Variants in MAGI1 observed in about 807,000 individuals in gnomAD.
MAGI1 encodes the protein membrane-associated guanylate kinase, WW and PDZ domain-containing protein 1.
In MAGI1, 58 loss-of-function variants were observed where a neutral mutation model predicts 139.9. That is an observed-to-expected ratio of 0.41 (90% CI 0.34 to 0.52). The LOEUF (loss-of-function observed/expected upper bound fraction) is 0.52. Ranked by LOEUF, MAGI1 falls within the 20% of genes least tolerant of loss-of-function variation. The probability of loss-of-function intolerance (pLI) is 0.12; values close to 1 mark genes in which losing one functional copy is unlikely to be tolerated. For synonymous variants in MAGI1, 812 were observed against 737.9 expected, an observed-to-expected ratio of 1.10 and a Z score of -1.63; for missense variants, 1,874 against 1,901.6, an observed-to-expected ratio of 0.99 and a Z score of 0.27.
At chr3:65,445,135 A>G (rs907196354) in intron 7 of MAGI1, among the ~76,000 whole-genome samples, 3 of 152,204 alleles carry the variant, frequency 2.0e-5, no homozygotes, top group African/African-American at 7.2e-5. Flanking sequence ...AACCTATCAC[A>G]GAGATTTGAA....
At chr3:65,607,886 G>T (rs988253762) in intron 2 of MAGI1, among the ~76,000 whole-genome samples, 1 of 152,076 alleles carries the variant, frequency 6.6e-6, no homozygotes, top group Non-Finnish European at 1.5e-5. Flanking sequence ...TAGCACATAA[G>T]AAAAGAGAAG....
intron 2 of MAGI1, among the ~76,000 whole-genome samples, chr3:65,536,681 C>A (rs2078970407): frequency 6.6e-6 from 1 of 152,256 alleles, no homozygotes; most frequent in Admixed American, 6.5e-5. Flanking sequence ...GTGTTCAGGG[C>A]TGGCCATATG....
intron 1 of MAGI1, among the ~76,000 whole-genome samples, chr3:65,707,671 C>T (rs2030584445): frequency 8.2e-6 from 1 of 121,892 alleles, no homozygotes; most frequent in African/African-American, 3.2e-5. Context: ...AACTGGGTGA[C>T]AGAGTGATAC....
intron 3 of MAGI1, among the ~76,000 whole-genome samples, chr3:65,487,902 G>C (rs1951727112): frequency 6.6e-6 from 1 of 152,198 alleles, no homozygotes; most frequent in Non-Finnish European, 1.5e-5. Flanking sequence ...GAAGCCACCA[G>C]CCATGTGTGG....
chr3:65,459,115 T>C (rs879648145), intron 5 of MAGI1, among the ~76,000 whole-genome samples: 29 of 152,162 alleles, frequency 1.9e-4, no homozygotes, highest in Non-Finnish European at 3.1e-4. Context: ...TCACCGTAGA[T>C]GTATGGATTT....
At chr3:65,770,674 T>G (rs2037875559) in intron 1 of MAGI1, among the ~76,000 whole-genome samples, 1 of 152,166 alleles carries the variant, frequency 6.6e-6, no homozygotes, top group Admixed American at 6.5e-5. Flanking sequence ...CCTTTTTTAG[T>G]AAATTATTAT....
intron 2 of MAGI1, among the ~76,000 whole-genome samples, chr3:65,530,744 CATAT>C (rs1553661873): frequency 1.0e-4 from 8 of 76,426 alleles, no homozygotes; most frequent in Middle Eastern, 6.6e-3. Flanking sequence ...TATATATGCA[CATAT>C]ATATACACGT....
intron 1 of MAGI1, among the ~76,000 whole-genome samples, chr3:65,891,884 TAATATATATATATATATA>T (rs1406295110): frequency 4.3e-4 from 37 of 85,854 alleles, no homozygotes; most frequent in African/African-American, 1.5e-3. Context: ...ACTTAAAGTA[TAATATATATATATATATA>T]TATATATATA....
At chr3:65,459,559 C>T (rs983881781) in intron 5 of MAGI1, among the ~76,000 whole-genome samples, 4 of 152,168 alleles carry the variant, frequency 2.6e-5, no homozygotes, top group Non-Finnish European at 5.9e-5. Flanking sequence ...AATCTGCAAA[C>T]AGGAGTAGTT....
At chr3:65,808,107 T>C (rs2040991363) in intron 1 of MAGI1, among the ~76,000 whole-genome samples, 1 of 151,516 alleles carries the variant, frequency 6.6e-6, no homozygotes, top group African/African-American at 2.4e-5. Flanking sequence ...AGCCTCCGCC[T>C]CCCGAGTAGC....
chr3:65,660,268 C>T lies in MAGI1; in HGVS notation c.314-38180G>A, dbSNP rs1006117567. ...CATGCACTCTCTAAGGCACTAACGC[C>T]ATGAAGGTGAACATGGTAAACGGGC... On this transcript the variant is annotated intron_variant, in intron 1 of 22. Transcript: ENST00000402939. Among the ~76,000 whole-genome samples the T allele has an allele frequency of 6.0e-4, 92 of 152,194 alleles. 1 individual carries two copies. Among genetic ancestry groups the T allele is most frequent in the African/African-American group, 2.2e-3 (91 of 41,460 alleles).
chr3:65,952,150 C>A (rs564319287), intron 1 of MAGI1, among the ~76,000 whole-genome samples: 3 of 152,112 alleles, frequency 2.0e-5, no homozygotes, highest in African/African-American at 7.2e-5. Flanking sequence ...ATTTGCAGAT[C>A]CCCTATTTCT....
At chr3:65,722,843 T>A (rs2107694549) in intron 1 of MAGI1, among the ~76,000 whole-genome samples, 1 of 151,966 alleles carries the variant, frequency 6.6e-6, no homozygotes, top group Middle Eastern at 3.4e-3. Flanking sequence ...AAACACCATG[T>A]GAGTTTCCAG....
chr3:65,934,268 T>C (rs904392387), intron 1 of MAGI1, among the ~76,000 whole-genome samples: 2 of 151,934 alleles, frequency 1.3e-5, no homozygotes, highest in Non-Finnish European at 2.9e-5. Flanking sequence ...ACCATTTTTT[T>C]TTTTTTAAGA....
At position 65,852,332 on chromosome 3, in the gene MAGI1, G is replaced by T. The variant is rs554230985; in HGVS notation, c.313+185664C>A. 6.6e-5 allele frequency among the ~76,000 whole-genome samples: 10 copies of T among 152,134 alleles called. No individual in the cohort carries two copies. In the South Asian group the frequency reaches 1.7e-3, roughly 25 times the overall value. Reference sequence around the variant, plus strand: ...AGTTTTGAGCCTCCCCAGAAAGGAAGAGGAGGGTAGTGAGCAAACATATCT... The same window carrying T: ...AGTTTTGAGCCTCCCCAGAAAGGAATAGGAGGGTAGTGAGCAAACATATCT... On this transcript the variant is annotated intron_variant, in intron 1 of 22. Coordinates refer to ENST00000402939, the MANE Select transcript of MAGI1 (RefSeq NM_001033057.2).
intron 1 of MAGI1, among the ~76,000 whole-genome samples, chr3:65,813,241 C>T (rs976067728): frequency 4.6e-5 from 7 of 152,070 alleles, no homozygotes; most frequent in Admixed American, 1.3e-4. Context: ...TTTCTCCCAG[C>T]TTGTTCATGA....
intron 5 of MAGI1, among the ~76,000 whole-genome samples, chr3:65,465,164 A>G (rs972464657): frequency 4.0e-5 from 6 of 151,320 alleles, no homozygotes; most frequent in African/African-American, 1.5e-4. Flanking sequence ...AGAAACATTA[A>G]ACAGTACTAT....
intron 1 of MAGI1, among the ~76,000 whole-genome samples, chr3:65,668,888 G>C (rs888625411): frequency 6.6e-6 from 1 of 151,638 alleles, no homozygotes; most frequent in African/African-American, 2.4e-5. Flanking sequence ...GAAGGTCCTG[G>C]GAATTTAACC....
At chr3:65,516,996 G>A (rs990721366) in intron 2 of MAGI1, among the ~76,000 whole-genome samples, 1 of 151,696 alleles carries the variant, frequency 6.6e-6, no homozygotes, top group Non-Finnish European at 1.5e-5. Context: ...CCAAAGTGCT[G>A]GGATTACAGG....
Sources: gnomAD v4.1 joint callset for allele counts (sites outside exome capture counted in the v4.1 genomes callset) on GRCh38, gnomAD v4.1.1 for gene constraint, MANE v1.5 for transcripts, NCBI Gene and HGNC (gene_info 2026-07-23, HGNC 2026-07-21) for gene names.